Variants in CD2AP observed in about 807,000 individuals in gnomAD.
CD2AP encodes the protein CD2-associated protein.
A neutral mutation model predicts 85.1 loss-of-function variants in CD2AP; 46 were observed. The observed-to-expected ratio is 0.54, with a 90% CI of 0.43 to 0.69. CD2AP has a LOEUF of 0.69. Ranked by LOEUF, CD2AP falls within the 30% of genes least tolerant of loss-of-function variation. CD2AP has a pLI of 0.00. For missense variants in CD2AP, 769 were observed against 729.5 expected, an observed-to-expected ratio of 1.05 and a Z score of -0.62; for synonymous variants, 255 against 252.9, an observed-to-expected ratio of 1.01 and a Z score of -0.08.
At chr6:47,491,707 T>G (rs909120617) in intron 1 of CD2AP, among the ~76,000 whole-genome samples, 1 of 152,122 alleles carries the variant, frequency 6.6e-6, no homozygotes, top group Non-Finnish European at 1.5e-5. Context: ...TAGTAGAAAA[T>G]CTTTTATAAT....
At chr6:47,528,878 ATATTTCTTTG>A (rs1766797121) in intron 2 of CD2AP, among the ~76,000 whole-genome samples, 1 of 152,028 alleles carries the variant, frequency 6.6e-6, no homozygotes, top group Non-Finnish European at 1.5e-5. Context: ...TTGACTTTTA[ATATTTCTTTG>A]TATATCTCAA....
intron 8 of CD2AP, among the ~76,000 whole-genome samples, chr6:47,577,797 C>CA: frequency 6.6e-6 from 1 of 151,808 alleles, no homozygotes. Flanking sequence ...AGGCTGGTCT[C>CA]AAACTCTTGA....
chr6:47,522,254 A>G (rs1276287946), intron 2 of CD2AP, among the ~76,000 whole-genome samples: 1 of 152,090 alleles, frequency 6.6e-6, no homozygotes, highest in Non-Finnish European at 1.5e-5. Context: ...TATCAGCGGA[A>G]TGATATCAAA....
At chr6:47,484,863 C>T (rs944318905) in intron 1 of CD2AP, among the ~76,000 whole-genome samples, 1 of 152,130 alleles carries the variant, frequency 6.6e-6, no homozygotes, top group African/African-American at 2.4e-5. Flanking sequence ...TAGTAGAATG[C>T]AATCATGAGC....
chr6:47,507,969 A>G (rs1036880940), intron 2 of CD2AP, among the ~76,000 whole-genome samples: 1 of 152,236 alleles, frequency 6.6e-6, no homozygotes, highest in Non-Finnish European at 1.5e-5. Context: ...TCAATAAACC[A>G]TGCTGTAAAT....
At chr6:47,498,631 A>G (rs1261274235) in intron 1 of CD2AP, among the ~76,000 whole-genome samples, 3 of 151,842 alleles carry the variant, frequency 2.0e-5, no homozygotes, top group Non-Finnish European at 1.5e-5. Flanking sequence ...TCTTGGATTT[A>G]TCTCTGCCTC....
intron 12 of CD2AP, among the ~76,000 whole-genome samples, chr6:47,597,775 A>T (rs2114134087): frequency 7.7e-6 from 1 of 129,736 alleles, no homozygotes; most frequent in African/African-American, 2.5e-5. Context: ...TTGAGTAAGA[A>T]GGCAGGTACT....
intron 1 of CD2AP, among the ~76,000 whole-genome samples, chr6:47,485,622 C>G (rs370740553): frequency 6.6e-6 from 1 of 152,054 alleles, no homozygotes; most frequent in South Asian, 2.1e-4. Context: ...TTTATAAAAT[C>G]TATAGTAGTG....
chr6:47,592,799 C>T (rs1477297128), intron 11 of CD2AP, among the ~76,000 whole-genome samples: 1 of 152,124 alleles, frequency 6.6e-6, no homozygotes, highest in Non-Finnish European at 1.5e-5. Context: ...GCATCTCTTC[C>T]TGCATACCTT....
At chr6:47,510,007 T>G (rs1766272042) in intron 2 of CD2AP, among the ~76,000 whole-genome samples, 1 of 152,238 alleles carries the variant, frequency 6.6e-6, no homozygotes, top group African/African-American at 2.4e-5. Context: ...TTGAAATAAA[T>G]TTTTCTTTCC....
chr6:47,620,070 T>A (rs1769704753), intron 17 of CD2AP, among the ~76,000 whole-genome samples: 1 of 152,242 alleles, frequency 6.6e-6, no homozygotes, highest in African/African-American at 2.4e-5. Context: ...TTTAATTAGG[T>A]CTCAGCTATT....
At chr6:47,510,439 C>A (rs962989758) in intron 2 of CD2AP, among the ~76,000 whole-genome samples, 5 of 151,872 alleles carry the variant, frequency 3.3e-5, no homozygotes, top group Admixed American at 6.6e-5. Flanking sequence ...AATGAAGATA[C>A]AAGATAAGCC....
chr6:47,600,836 C>A (rs979357115), intron 13 of CD2AP, among the ~76,000 whole-genome samples: 1 of 151,790 alleles, frequency 6.6e-6, no homozygotes, highest in Non-Finnish European at 1.5e-5. Context: ...TGAAGAAAAG[C>A]AGATTATTTG....
intron 5 of CD2AP, among the ~76,000 whole-genome samples, chr6:47,569,287 A>G (rs1449816253): frequency 6.6e-6 from 1 of 152,164 alleles, no homozygotes; most frequent in South Asian, 2.1e-4. Flanking sequence ...GAATTTATCC[A>G]GAAGGTGGAG....
At chr6:47,557,869 A>C (rs959983962) in intron 5 of CD2AP, among the ~76,000 whole-genome samples, 9 of 152,154 alleles carry the variant, frequency 5.9e-5, no homozygotes, top group Non-Finnish European at 8.8e-5. Context: ...GAAGAAAGTC[A>C]GTGGTAGCTT....
At chr6:47,489,049 A>C (rs1472502918) in intron 1 of CD2AP, 1 of 151,700 alleles carries the variant, frequency 6.6e-6, no homozygotes, top group Non-Finnish European at 1.5e-5. Context: ...TAACTTAATT[A>C]TGTTTTAAAA....
intron 17 of CD2AP, among the ~76,000 whole-genome samples, chr6:47,615,464 G>T (rs1354427607): frequency 6.6e-6 from 1 of 152,150 alleles, no homozygotes; most frequent in East Asian, 1.9e-4. Context: ...TTCTGGGGAG[G>T]CCTCAGGGAG....
chr6:47,504,465 G>A (rs1766074763), intron 2 of CD2AP, among the ~76,000 whole-genome samples: 1 of 152,202 alleles, frequency 6.6e-6, no homozygotes, highest in Non-Finnish European at 1.5e-5. Flanking sequence ...AAAATATGCA[G>A]ATGCTCAGAT....
intron 5 of CD2AP, among the ~76,000 whole-genome samples, chr6:47,558,689 A>G (rs964709932): frequency 1.5e-4 from 23 of 152,188 alleles, no homozygotes; most frequent in Non-Finnish European, 2.6e-4. Flanking sequence ...ATTGTGGTGG[A>G]TAAGCTTTTT....
Sources: gnomAD v4.1 joint callset for allele counts (sites outside exome capture counted in the v4.1 genomes callset) on GRCh38, gnomAD v4.1.1 for gene constraint, MANE v1.5 for transcripts, NCBI Gene and HGNC (gene_info 2026-07-23, HGNC 2026-07-21) for gene names.